MAP3K1: variants seen among roughly 807,000 people sequenced by gnomAD.
MAP3K1 encodes mitogen-activated protein kinase kinase kinase 1.
MAP3K1 carries 36 observed loss-of-function variants against 144.2 expected under a neutral mutation model. The observed-to-expected ratio is 0.25, with a 90% CI of 0.19 to 0.33. MAP3K1 has a LOEUF of 0.33. MAP3K1 is among the 10% of genes least tolerant of loss of function. The pLI is 1.00. For synonymous variants in MAP3K1, 718 were observed against 688.7 expected (o/e 1.04, Z -0.67); for missense variants, 1,650 against 1,881.9 (o/e 0.88, Z 2.28).
intron 2 of MAP3K1, among the ~76,000 whole-genome samples, chr5:56,859,387 T>A (rs1230541093): frequency 1.3e-5 from 2 of 152,118 alleles, no homozygotes; most frequent in Non-Finnish European, 2.9e-5. Context: ...TTAATCACCT[T>A]TGATTGTTGC....
At chr5:56,831,734 C>G (rs142216006) in intron 1 of MAP3K1, among the ~76,000 whole-genome samples, 1 of 152,046 alleles carries the variant, frequency 6.6e-6, no homozygotes, top group African/African-American at 2.4e-5. Flanking sequence ...TCTTTTTTGA[C>G]CTCACAAGAG....
rs2111939706 is a variant in MAP3K1 at position 56,881,236 on chromosome 5, G to A, written c.2333G>A (p.Ser778Asn). 6.2e-7 allele frequency: 1 copy of A among 1,613,570 alleles called. No homozygotes were observed. Among genetic ancestry groups the A allele is most frequent in the Non-Finnish European group, 8.5e-7 (1 of 1,179,862 alleles). ...GCTGAATTTTATCCTCATATTGTCA[G>A]TACTGATGTTTCACAAGCTGAGCCT... The part of the protein sequence containing the change: ...FPAEFYPHIV[S>N]TDVSQAEPVE... Residue 778 changes from serine to asparagine, a missense_variant, in exon 13 of 20, where the codon AGT (serine) becomes AAT (asparagine). Ser to Asn is a conservative substitution (Grantham distance 46, BLOSUM62 1). Around this residue, in one of 6 missense-constraint regions of MAP3K1, gnomAD observed 841 missense variants for 886.5 expected, o/e 0.95. Transcript: ENST00000399503.
At chr5:56,823,995 T>A (rs1298868790) in intron 1 of MAP3K1, among the ~76,000 whole-genome samples, 2 of 152,246 alleles carry the variant, frequency 1.3e-5, no homozygotes, top group African/African-American at 4.8e-5. Context: ...GTTCTCAGAA[T>A]GTCATCTAAA....
intron 18 of MAP3K1, 170 bp from the exon 19 acceptor site, chr5:56,888,056 A>G: frequency 3.1e-6 from 2 of 635,468 alleles, no homozygotes; most frequent in Non-Finnish European, 5.4e-6. Context: ...TTTTTGTGCT[A>G]CCTGGAAAAT....
chr5:56,827,341 A>C (rs952057895), intron 1 of MAP3K1, among the ~76,000 whole-genome samples: 2 of 152,224 alleles, frequency 1.3e-5, no homozygotes, highest in Admixed American at 1.3e-4. Context: ...AGTGTTAGGA[A>C]GTGGGTCAGG....
chr5:56,893,830 G>A lies in MAP3K1; in HGVS notation c.*150G>A, dbSNP rs1488600039. The A allele has an allele frequency of 4.3e-5, 34 of 794,522 alleles. No individual in the cohort carries two copies. The highest frequency in any genetic ancestry group is 5.7e-5 in the Non-Finnish European group (27 of 477,028). 49.2% of individuals were successfully genotyped at this position (794,522 alleles called of 1,614,324 possible). A position where few individuals can be genotyped will look rare whatever the true frequency, so the allele number is the denominator to read the frequency against. On this transcript the variant is annotated 3_prime_UTR_variant, in exon 20 of 20. Coordinates refer to ENST00000399503, the MANE Select transcript of MAP3K1 (RefSeq NM_005921.2). ...GGAACCCTTACCTAAGTATGTGATT[G>A]ACAAATCATGATCTGTACCTAAGCT...
intron 13 of MAP3K1, 61 bp downstream of exon 13, chr5:56,881,333 A>C (rs1748200123): frequency 1.4e-6 from 2 of 1,389,944 alleles, no homozygotes; most frequent in Non-Finnish European, 2.0e-6. Flanking sequence ...ACCCTCCTCA[A>C]GAATGACACA....
At chr5:56,887,982 A>G in intron 18 of MAP3K1, 1 of 550,836 alleles carries the variant, frequency 1.8e-6, no homozygotes, top group South Asian at 2.1e-5. Flanking sequence ...CTTGCCACAT[A>G]GTTTGCTAAG....
At chr5:56,848,573 G>A (rs899007458) in intron 1 of MAP3K1, among the ~76,000 whole-genome samples, 45 of 152,256 alleles carry the variant, frequency 3.0e-4, no homozygotes, top group African/African-American at 1.1e-3. Flanking sequence ...GCCAGTGATT[G>A]TGTGTTTACA....
At chr5:56,858,689 G>A (rs1747411518) in intron 2 of MAP3K1, among the ~76,000 whole-genome samples, 1 of 152,178 alleles carries the variant, frequency 6.6e-6, no homozygotes, top group South Asian at 2.1e-4. Flanking sequence ...AAAGCAACTT[G>A]TGACTAGGTG....
chr5:56,879,887 C>G (rs2111935032), intron 11 of MAP3K1, among the ~76,000 whole-genome samples: 1 of 152,250 alleles, frequency 6.6e-6, no homozygotes, highest in East Asian at 1.9e-4. Flanking sequence ...TCCATTTCAC[C>G]CATTTAGAGT....
chr5:56,823,515 C>T (rs1277092055), intron 1 of MAP3K1, among the ~76,000 whole-genome samples: 3 of 152,192 alleles, frequency 2.0e-5, no homozygotes, highest in African/African-American at 7.2e-5. Context: ...CCCCTAGCAC[C>T]TAGCAGGATG....
Position 56,895,786 on chromosome 5 carries a change from T to C in MAP3K1, c.*2106T>C, listed in dbSNP as rs1010073635. 8.6e-6 allele frequency: 2 copies of C among 231,836 alleles called. No homozygotes were observed. The highest frequency in any genetic ancestry group is 1.2e-4 in the East Asian group (2 of 16,352). The allele number at this position is 231,836 out of a possible 1,614,324, so 14.4% of individuals were successfully genotyped here. ...TTTTTGTGTTCTTAATGTTATTTGG[T>C]ACTCAAGTTGTAAATAACGTCTACT... On this transcript the variant is annotated 3_prime_UTR_variant, in exon 20 of 20. Transcript: ENST00000399503.
At chr5:56,847,604 A>G (rs1747038196) in intron 1 of MAP3K1, among the ~76,000 whole-genome samples, 2 of 152,354 alleles carry the variant, frequency 1.3e-5, no homozygotes, top group African/African-American at 4.8e-5. Flanking sequence ...TCAACAAAAA[A>G]AGTAACACTT....
In MAP3K1 at chr5:56,865,472, T is replaced by A. The variant is rs1225033463; in HGVS notation, c.1152+16T>A. ...GAATTTTGAGGTAGTTTTTAATAAA[T>A]GCTTAGAGTAAAATTGTTAGCATAT... On this transcript the variant is annotated intron_variant, in intron 5 of 19. Transcript: ENST00000399503. The A allele has an allele frequency of 7.6e-7, 1 of 1,311,018 alleles. No individual in the cohort carries two copies. The highest frequency in any genetic ancestry group is 1.7e-5 in the Admixed American group (1 of 59,576). The allele number at this position is 1,311,018 out of a possible 1,614,324, so 81.2% of individuals were successfully genotyped here. A position where few individuals can be genotyped will look rare whatever the true frequency, so the allele number is the denominator to read the frequency against.
intron 1 of MAP3K1, among the ~76,000 whole-genome samples, chr5:56,837,592 A>G (rs1579727869): frequency 6.6e-6 from 1 of 152,228 alleles, no homozygotes; most frequent in African/African-American, 2.4e-5. Context: ...CTTCCTATGT[A>G]CAAATACTGG....
chr5:56,866,498 TAA>T (rs1486134944), intron 6 of MAP3K1, among the ~76,000 whole-genome samples: 1 of 152,210 alleles, frequency 6.6e-6, no homozygotes, highest in African/African-American at 2.4e-5. Context: ...CGTTTTGTGC[TAA>T]AAACTACAGC....
intron 6 of MAP3K1, among the ~76,000 whole-genome samples, chr5:56,867,151 CATTTCTGTAACTTTTTACTGTGGAG>C (rs2111897891): frequency 6.6e-6 from 1 of 152,250 alleles, no homozygotes; most frequent in East Asian, 1.9e-4. Flanking sequence ...TTTTGAGTGA[CATTTCTGTAACTTTTTACTGTGGAG>C]AAAAATAACA....
chr5:56,882,557 A>G lies in MAP3K1; in HGVS notation c.3357A>G (p.Lys1119=). ...CAGTGTTCACCCCAGTAGAGGAGAA[A>G]TGCAGATTAGATGTCAATACAGAGC... ...DETVFTPVEE[K]CRLDVNTELN... The change falls in exon 14 of 20, where the codon AAA becomes AAG. Residue 1119 remains lysine, a synonymous_variant. Coordinates refer to ENST00000399503, the MANE Select transcript of MAP3K1 (RefSeq NM_005921.2). 1 of 1,614,168 alleles carries G rather than the reference A, an allele frequency of 6.2e-7. No homozygotes were observed. Among genetic ancestry groups the G allele is most frequent in the East Asian group, 2.2e-5 (1 of 44,884 alleles).
Sources: gnomAD v4.1 joint callset for allele counts (sites outside exome capture counted in the v4.1 genomes callset) on GRCh38, gnomAD v4.1.1 for gene constraint, gnomAD v4.1.1 regional missense constraint, MANE v1.5 for transcripts, NCBI Gene and HGNC (gene_info 2026-07-23, HGNC 2026-07-21) for gene names.